Variants in ADGRA3 observed in about 807,000 individuals in gnomAD.
ADGRA3 encodes the protein G-protein coupled receptor 125.
A neutral mutation model predicts 119.8 loss-of-function variants in ADGRA3; 56 were observed. The ratio of observed to expected loss-of-function variants is 0.47; its 90% CI spans 0.38 to 0.58. The LOEUF is 0.58. ADGRA3 is among the 20% of genes least tolerant of loss of function. The probability of loss-of-function intolerance (pLI) is 0.00; values close to 1 mark genes in which losing one functional copy is unlikely to be tolerated. For missense variants in ADGRA3, 1,516 were observed against 1,649.0 expected (o/e 0.92, Z 1.40); for synonymous variants, 607 against 623.8 (o/e 0.97, Z 0.40).
chr4:22,455,770 T>C (rs1367950565), intron 3 of ADGRA3: 1 of 1,265,230 alleles, frequency 7.9e-7, no homozygotes, highest in East Asian at 5.6e-5. Flanking sequence ...GTAAAAACTT[T>C]ATGTTGGGAG....
intron 5 of ADGRA3, among the ~76,000 whole-genome samples, 180 bp from the exon 6 acceptor site, chr4:22,445,313 C>A (rs1365217681): frequency 6.6e-6 from 1 of 152,130 alleles, no homozygotes. Flanking sequence ...GAGTGTTGGA[C>A]CCCAACACTG....
chr4:22,392,646 C>G lies in ADGRA3; in HGVS notation c.2526G>C (p.Trp842Cys). The change falls in exon 17 of 19, where the codon TGG (tryptophan) becomes TGC (cysteine). Residue 842 changes from tryptophan to cysteine, a missense_variant. Physicochemically the swap from Trp to Cys is radical, Grantham distance 215. Coordinates refer to ENST00000334304, the MANE Select transcript of ADGRA3 (RefSeq NM_145290.4). Reference sequence around the variant, plus strand: ...AGATATTTCGAGCTGTCACTCCTACCCATAGTACTGTGGCAAGGGTGGAAT... The same window carrying G: ...AGATATTTCGAGCTGTCACTCCTACGCATAGTACTGTGGCAAGGGTGGAAT... The part of the protein sequence containing the change: ...LHYSTLATVL[W>C]VGVTARNIYK... 7 of 1,613,678 alleles carry G rather than the reference C, an allele frequency of 4.3e-6. No individual in the cohort carries two copies. Among genetic ancestry groups the G allele is most frequent in the Non-Finnish European group, 5.1e-6 (6 of 1,179,788 alleles).
chr4:22,512,223 C>T (rs1719475144), intron 1 of ADGRA3, among the ~76,000 whole-genome samples: 2 of 151,922 alleles, frequency 1.3e-5, no homozygotes, highest in Non-Finnish European at 2.9e-5. Flanking sequence ...TTTCCTCTTT[C>T]CAGAATTGGC....
chr4:22,485,455 G>A (rs1412298970), intron 1 of ADGRA3, among the ~76,000 whole-genome samples: 1 of 151,560 alleles, frequency 6.6e-6, no homozygotes, highest in Non-Finnish European at 1.5e-5. Flanking sequence ...TCTTTAATCA[G>A]TTGCTCTGCT....
intron 2 of ADGRA3, 146 bp from the exon 3 acceptor site, chr4:22,461,954 C>T: frequency 2.2e-6 from 1 of 462,368 alleles, no homozygotes; most frequent in East Asian, 3.5e-5. Context: ...CAAGATCAAC[C>T]CAGTAGTAAA....
rs1713927434 is a variant in ADGRA3, at chr4:22,388,175, C to T, written c.3496G>A (p.Val1166Met). The T allele has an allele frequency of 6.2e-7, 1 of 1,614,048 alleles. No individual in the cohort carries two copies. Among genetic ancestry groups the T allele is most frequent in the Non-Finnish European group, 8.5e-7 (1 of 1,180,002 alleles). Residue 1166 changes from valine to methionine, a missense_variant, in exon 19 of 19, where the codon GTG (valine) becomes ATG (methionine). Coordinates refer to ENST00000334304, the MANE Select transcript of ADGRA3 (RefSeq NM_145290.4). ...APLEVQFRTN[V>M]HSSRHHKNRS... Reference sequence around the variant, plus strand: ...TTTTTATGGTGGCGGCTTGAGTGCACATTTGTTCGAAACTGAACTTCTAAA... The same window carrying T: ...TTTTTATGGTGGCGGCTTGAGTGCATATTTGTTCGAAACTGAACTTCTAAA...
intron 16 of ADGRA3, chr4:22,398,156 C>A: frequency 3.1e-6 from 3 of 977,716 alleles, no homozygotes; most frequent in Non-Finnish European, 3.6e-6. Flanking sequence ...AAAAATATAT[C>A]ACACAGATGA....
At chr4:22,455,941 G>T in intron 3 of ADGRA3, 1 of 584,930 alleles carries the variant, frequency 1.7e-6, no homozygotes. Flanking sequence ...AATTCTGACA[G>T]AATAATTAGA....
chr4:22,442,564 C>T (rs1041405493), intron 7 of ADGRA3, 86 bp downstream of exon 7: 103 of 853,206 alleles, frequency 1.2e-4, no homozygotes, highest in Admixed American at 1.2e-4. Context: ...AATATTAATT[C>T]AAATTCCACT....
chr4:22,498,684 G>A (rs1196194786), intron 1 of ADGRA3, among the ~76,000 whole-genome samples: 1 of 152,080 alleles, frequency 6.6e-6, no homozygotes, highest in Non-Finnish European at 1.5e-5. Context: ...GGGAGGCCAA[G>A]GTGGGCGGAT....
intron 1 of ADGRA3, among the ~76,000 whole-genome samples, chr4:22,497,059 G>T (rs190275801): frequency 4.3e-4 from 66 of 152,310 alleles, no homozygotes; most frequent in Non-Finnish European, 8.1e-4. Context: ...AACTTTTGGG[G>T]CGAATCATAA....
At chr4:22,413,916 T>C in intron 12 of ADGRA3, 102 bp from the exon 13 acceptor site, 1 of 744,128 alleles carries the variant, frequency 1.3e-6, no homozygotes, top group Non-Finnish European at 2.1e-6. Flanking sequence ...TTAGGTTGAC[T>C]TCATTTTTTA....
intron 14 of ADGRA3, among the ~76,000 whole-genome samples, chr4:22,404,712 G>C (rs16872624): frequency 0.17 from 25,964 of 152,016 alleles, 2,358 homozygotes; most frequent in Middle Eastern, 0.2. Flanking sequence ...GACCAATTCT[G>C]AGCAATTTGC....
At chr4:22,515,402 C>T in intron 1 of ADGRA3, 126 bp downstream of exon 1, 1 of 1,207,806 alleles carries the variant, frequency 8.3e-7, no homozygotes, top group South Asian at 1.8e-5. Context: ...TCTTTCCTAG[C>T]ACCGCCCCCT....
chr4:22,433,231 C>T (rs1358238358), intron 10 of ADGRA3, among the ~76,000 whole-genome samples: 1 of 152,172 alleles, frequency 6.6e-6, no homozygotes, highest in East Asian at 1.9e-4. Flanking sequence ...CTATGTTAAC[C>T]AGTAAAAGTG....
At chr4:22,469,385 C>T (rs956706530) in intron 2 of ADGRA3, among the ~76,000 whole-genome samples, 2 of 152,174 alleles carry the variant, frequency 1.3e-5, no homozygotes, top group African/African-American at 4.8e-5. Context: ...GAAAAATGTC[C>T]AACACACAGT....
intron 1 of ADGRA3, chr4:22,514,549 A>C (rs989636312): frequency 1.3e-5 from 2 of 152,224 alleles, no homozygotes; most frequent in Non-Finnish European, 1.5e-5. Context: ...CCTTGCATTC[A>C]TGTTTGTATA....
chr4:22,490,980 T>C (rs1418802680), intron 1 of ADGRA3, among the ~76,000 whole-genome samples: 1 of 152,056 alleles, frequency 6.6e-6, no homozygotes, highest in Non-Finnish European at 1.5e-5. Context: ...AGGGTGTTCC[T>C]GAGTTCATGA....
At chr4:22,463,638 A>G (rs1717554876) in intron 2 of ADGRA3, among the ~76,000 whole-genome samples, 1 of 152,228 alleles carries the variant, frequency 6.6e-6, no homozygotes, top group African/African-American at 2.4e-5. Flanking sequence ...CAGCTAATGA[A>G]AGTGAACTGC....
Sources: allele counts gnomAD v4.1 joint callset (sites outside exome capture counted in the v4.1 genomes callset), GRCh38; gene constraint gnomAD v4.1.1; transcripts MANE v1.5; gene names NCBI Gene and HGNC (gene_info 2026-07-23, HGNC 2026-07-21).